Variants in SLC30A8 observed in about 807,000 individuals in gnomAD.
SLC30A8 encodes solute carrier family 30 member 8, also known as proton-coupled zinc antiporter SLC30A8.
In SLC30A8, 27 loss-of-function variants were observed where a neutral mutation model predicts 36.9. That is an observed-to-expected ratio of 0.73 (90% CI 0.54 to 1.01). SLC30A8 has a LOEUF of 1.01. Among genes scored for constraint, SLC30A8 ranks in the 50% least tolerant of loss-of-function variants. SLC30A8 has a pLI of 0.00. For missense variants in SLC30A8, 439 were observed against 452.0 expected (o/e 0.97, Z 0.26); for synonymous variants, 164 against 172.4 (o/e 0.95, Z 0.38).
intron 2 of SLC30A8, among the ~76,000 whole-genome samples, chr8:117,124,882 A>G (rs1820838220): frequency 6.6e-6 from 1 of 151,902 alleles, no homozygotes; most frequent in African/African-American, 2.4e-5. Flanking sequence ...ACATCCCACA[A>G]TATCCACATG....
intron 1 of SLC30A8, among the ~76,000 whole-genome samples, chr8:117,023,638 G>A (rs566362016): frequency 1.3e-4 from 19 of 148,998 alleles, no homozygotes; most frequent in East Asian, 8.1e-4. Context: ...ACCAAACACC[G>A]CATGTTCTCA....
chr8:116,978,959 G>A (rs1222631844), intron 1 of SLC30A8, among the ~76,000 whole-genome samples: 4 of 148,830 alleles, frequency 2.7e-5, no homozygotes, highest in Middle Eastern at 6.9e-3. Context: ...TAAGGAGGCC[G>A]GGCACAGTAG....
At chr8:117,032,362 C>A (rs983740212) in intron 1 of SLC30A8, among the ~76,000 whole-genome samples, 4 of 152,100 alleles carry the variant, frequency 2.6e-5, no homozygotes, top group Admixed American at 2.6e-4. Context: ...ACACAGCAGG[C>A]AGTTAATAAG....
At chr8:117,077,011 G>T (rs1032482011) in intron 2 of SLC30A8, among the ~76,000 whole-genome samples, 1 of 152,130 alleles carries the variant, frequency 6.6e-6, no homozygotes, top group Non-Finnish European at 1.5e-5. Context: ...GCTGACATAG[G>T]TAATTATAAA....
intron 2 of SLC30A8, among the ~76,000 whole-genome samples, chr8:117,084,058 T>A (rs1164150299): frequency 6.6e-6 from 1 of 152,112 alleles, no homozygotes; most frequent in Non-Finnish European, 1.5e-5. Flanking sequence ...ACTTGAAATA[T>A]TTTTGACTAT....
intron 2 of SLC30A8, among the ~76,000 whole-genome samples, chr8:117,121,572 C>G (rs1209274085): frequency 1.3e-5 from 2 of 151,846 alleles, no homozygotes; most frequent in Non-Finnish European, 2.9e-5. Flanking sequence ...AGGACTCTGC[C>G]CTTATGAACT....
intron 6 of SLC30A8, among the ~76,000 whole-genome samples, chr8:117,167,886 T>G (rs193119864): frequency 6.6e-6 from 1 of 152,086 alleles, no homozygotes; most frequent in African/African-American, 2.4e-5. Context: ...TGGGTAATTA[T>G]AAAGAACAAG....
At chr8:117,043,354 C>T (rs997319980) in intron 2 of SLC30A8, among the ~76,000 whole-genome samples, 9 of 152,172 alleles carry the variant, frequency 5.9e-5, no homozygotes, top group African/African-American at 1.4e-4. Context: ...GAGAAGCTTC[C>T]GGCAGAAAGA....
chr8:116,979,864 G>A (rs1034827187), intron 1 of SLC30A8, among the ~76,000 whole-genome samples: 9 of 152,112 alleles, frequency 5.9e-5, no homozygotes, highest in African/African-American at 2.2e-4. Flanking sequence ...GCATTCTCTT[G>A]CAGCAGAAAT....
intron 4 of SLC30A8, among the ~76,000 whole-genome samples, chr8:117,160,622 T>TAAAAG (rs1822741949): frequency 6.6e-6 from 1 of 152,080 alleles, no homozygotes; most frequent in Non-Finnish European, 1.5e-5. Context: ...ATAAGATGAG[T>TAAAAG]AAAAGAATGA....
chr8:117,167,394 C>T (rs946514711), intron 6 of SLC30A8, among the ~76,000 whole-genome samples: 39 of 151,758 alleles, frequency 2.6e-4, no homozygotes, highest in African/African-American at 8.9e-4. Flanking sequence ...CTTATAATTC[C>T]GTCTTTGACT....
intron 3 of SLC30A8, among the ~76,000 whole-genome samples, chr8:117,157,259 A>G (rs1216909619): frequency 1.3e-5 from 2 of 152,114 alleles, no homozygotes; most frequent in East Asian, 3.9e-4. Flanking sequence ...TATTCCATTG[A>G]AGGTGCTGGC....
chr8:117,000,719 G>T (rs962696623), intron 1 of SLC30A8, among the ~76,000 whole-genome samples: 2 of 152,182 alleles, frequency 1.3e-5, no homozygotes, highest in African/African-American at 2.4e-5. Context: ...GCCAAGAATT[G>T]TTCTAAGTGG....
chr8:117,058,692 A>C (rs1332506296), intron 2 of SLC30A8, among the ~76,000 whole-genome samples: 1 of 152,230 alleles, frequency 6.6e-6, no homozygotes, highest in Non-Finnish European at 1.5e-5. Context: ...CTATGAACTA[A>C]GAATGCTTTT....
intron 3 of SLC30A8, 21 bp from the exon 4 acceptor site, chr8:117,157,670 T>C (rs774963524): frequency 6.2e-7 from 1 of 1,613,566 alleles, no homozygotes; most frequent in Admixed American, 1.7e-5. Context: ...TGTGGGTTTC[T>C]GTGTGTGTTT....
At chr8:116,976,825 T>TCTTTCTTTCTTTCTTTC (rs199570679) in intron 1 of SLC30A8, among the ~76,000 whole-genome samples, 32 of 144,964 alleles carry the variant, frequency 2.2e-4, no homozygotes, top group African/African-American at 8.5e-4. Flanking sequence ...TTTCTTTCTT[T>TCTTTCTTTCTTTCTTTC]TTTTTTTTTT....
rs1197887709 is a variant in SLC30A8, at chr8:117,175,906, C to T, written c.*3225C>T. 2 of 151,992 alleles carry T rather than the reference C, an allele frequency of 1.3e-5. No homozygotes were observed. Among genetic ancestry groups the T allele is most frequent in the Non-Finnish European group, 2.9e-5 (2 of 67,980 alleles). 9.4% of individuals were successfully genotyped at this position (151,992 alleles called of 1,614,324 possible). On this transcript the variant is annotated 3_prime_UTR_variant, in exon 8 of 8. Transcript: ENST00000456015. ...AGAGTGATGAATTAATTAAAATAGT[C>T]GAATCCCTTTCTGACTGTCTCTGAA...
intron 2 of SLC30A8, among the ~76,000 whole-genome samples, chr8:117,098,692 A>G (rs1819576563): frequency 1.3e-5 from 2 of 152,190 alleles, no homozygotes; most frequent in Admixed American, 1.3e-4. Flanking sequence ...GATGGGGCAC[A>G]AAGAAATGCC....
chr8:116,975,505 G>T (rs906708913), intron 1 of SLC30A8, among the ~76,000 whole-genome samples: 1 of 152,164 alleles, frequency 6.6e-6, no homozygotes, highest in African/African-American at 2.4e-5. Flanking sequence ...AAGGCTAGAA[G>T]GCTGGAAGGG....
Sources: allele counts gnomAD v4.1 joint callset (sites outside exome capture counted in the v4.1 genomes callset), GRCh38; gene constraint gnomAD v4.1.1; transcripts MANE v1.5; gene names NCBI Gene and HGNC (gene_info 2026-07-23, HGNC 2026-07-21).